Variants in BCO1 observed in about 807,000 individuals in gnomAD.
BCO1 encodes beta-carotene oxygenase 1, also known as beta,beta-carotene 15,15'-dioxygenase.
In BCO1, 54 loss-of-function variants were observed where a neutral mutation model predicts 56.3. That is an observed-to-expected ratio of 0.96 (90% CI 0.77 to 1.20). BCO1 has a LOEUF of 1.20. Among genes scored for constraint, BCO1 ranks in the 50% most tolerant of loss-of-function variants. The pLI is 0.00. For synonymous variants in BCO1, 318 were observed against 266.1 expected (o/e 1.20, Z -1.90); for missense variants, 801 against 690.9 (o/e 1.16, Z -1.79).
intron 8 of BCO1, among the ~76,000 whole-genome samples, chr16:81,284,454 T>G (rs920617401): frequency 6.6e-6 from 1 of 152,094 alleles, no homozygotes; most frequent in African/African-American, 2.4e-5. Flanking sequence ...ATTTTTTCTC[T>G]TCATTTGTAA....
intron 2 of BCO1, among the ~76,000 whole-genome samples, chr16:81,251,269 C>A (rs1905780593): frequency 6.6e-6 from 1 of 151,378 alleles, no homozygotes; most frequent in Non-Finnish European, 1.5e-5. Flanking sequence ...AAAAAAAAAA[C>A]AAAGAGGGAC....
intron 5 of BCO1, among the ~76,000 whole-genome samples, chr16:81,266,089 T>C (rs1906811115): frequency 6.6e-6 from 1 of 152,114 alleles, no homozygotes; most frequent in Admixed American, 6.5e-5. Context: ...AAACTTTCTA[T>C]GACAAGGTTA....
chr16:81,245,059 G>A (rs1425867331), intron 1 of BCO1, among the ~76,000 whole-genome samples: 1 of 151,896 alleles, frequency 6.6e-6, no homozygotes, highest in Non-Finnish European at 1.5e-5. Flanking sequence ...CCCAGCTAAT[G>A]TTTTGTATTT....
intron 7 of BCO1, among the ~76,000 whole-genome samples, chr16:81,279,619 A>G (rs1447112637): frequency 6.6e-6 from 1 of 152,228 alleles, no homozygotes; most frequent in Admixed American, 6.5e-5. Context: ...TAATATACAC[A>G]TAAGGAAACG....
chr16:81,274,696 G>A (rs1409033176), intron 7 of BCO1, among the ~76,000 whole-genome samples: 2 of 152,178 alleles, frequency 1.3e-5, no homozygotes, highest in African/African-American at 4.8e-5. Context: ...TGGCCAACAA[G>A]GTGAAACCCT....
Position 81,285,627 on chromosome 16 carries a change from C to A in BCO1, c.1295C>A (p.Pro432Gln). 5 of 1,599,468 alleles carry A rather than the reference C, an allele frequency of 3.1e-6. No homozygotes were observed. Among genetic ancestry groups the A allele is most frequent in the Non-Finnish European group, 4.3e-6 (5 of 1,166,640 alleles). Residue 432 changes from proline to glutamine, a missense_variant, in exon 9 of 11, where the codon CCA (proline) becomes CAA (glutamine). Coordinates refer to ENST00000258168, the MANE Select transcript of BCO1 (RefSeq NM_017429.3). ...FATGVQWSPI[P>Q]TKIIKYDILT... is the part of the protein sequence containing the mutation. The stretch of plus-strand genomic sequence containing the variant: ...ACAGGAGTTCAGTGGAGTCCAATCC[C>A]AACCAAGGTACTGGTCTCTGTGTAT...
chr16:81,278,826 C>G (rs536635303), intron 7 of BCO1, among the ~76,000 whole-genome samples: 1 of 152,306 alleles, frequency 6.6e-6, no homozygotes, highest in South Asian at 2.1e-4. Flanking sequence ...TTGGACCAGT[C>G]CCTTTCCTTC....
At chr16:81,249,507 C>A (rs1466073645) in intron 2 of BCO1, among the ~76,000 whole-genome samples, 1 of 152,130 alleles carries the variant, frequency 6.6e-6, no homozygotes, top group Admixed American at 6.6e-5. Flanking sequence ...CTGACCGCCT[C>A]GGCCTCCCAA....
chr16:81,280,261 C>A (rs1184207368), intron 7 of BCO1, among the ~76,000 whole-genome samples: 1 of 96,894 alleles, frequency 1.0e-5, no homozygotes, highest in African/African-American at 4.1e-5. Context: ...CAGAGTGAGA[C>A]TCCATCTCAA....
At position 81,290,728 on chromosome 16, in the gene BCO1, A is replaced by G; in HGVS notation, c.*151A>G. The G allele has an allele frequency of 3.2e-6, 2 of 628,168 alleles. No homozygotes were observed. Among genetic ancestry groups the G allele is most frequent in the East Asian group, 5.5e-5 (2 of 36,444 alleles). 38.9% of individuals were successfully genotyped at this position (628,168 alleles called of 1,614,324 possible). On this transcript the variant is annotated 3_prime_UTR_variant, in exon 11 of 11. Coordinates refer to ENST00000258168, the MANE Select transcript of BCO1 (RefSeq NM_017429.3). The stretch of plus-strand genomic sequence containing the variant: ...GGGCATGGCAAGAGAGCTTGTCAGT[A>G]TCATTTCTTTCATTTTATTTTGGCT...
At chr16:81,284,226 A>T (rs1908038268) in intron 8 of BCO1, among the ~76,000 whole-genome samples, 1 of 133,242 alleles carries the variant, frequency 7.5e-6, no homozygotes, top group African/African-American at 2.8e-5. Flanking sequence ...ATATATATAT[A>T]TATTTTTATA....
In BCO1 at chr16:81,259,826, T is replaced by C. The variant is rs1023225347; in HGVS notation, c.323+21T>C. The C allele has an allele frequency of 3.1e-6, 5 of 1,614,026 alleles. No homozygotes were observed. In the African/African-American group the frequency reaches 6.7e-5, roughly 22 times the overall value. ...TCCAAGTAACTGCCTATTTTAAATC[T>C]GAGCAAATTTCATGCTTTTTGCTAT... On this transcript the variant is annotated intron_variant, in intron 3 of 10. Transcript: ENST00000258168.
chr16:81,254,051 C>T (rs1046270347), intron 2 of BCO1, among the ~76,000 whole-genome samples: 2 of 152,158 alleles, frequency 1.3e-5, no homozygotes, highest in African/African-American at 4.8e-5. Context: ...ATGATTGTCT[C>T]TTAGGAACAC....
chr16:81,264,913 A>C, intron 5 of BCO1, 126 bp downstream of exon 5: 1 of 1,078,226 alleles, frequency 9.3e-7, no homozygotes. Context: ...ATTGAGGTGG[A>C]CCATGAAGTC....
rs535184546 is a variant in BCO1, at chr16:81,267,647, G to C, written c.620-261G>C. ...GGTGGAGGCAGGATTTAGCCCCCAG[G>C]CTATAGGTGAAGACCCCTTACCTGG... On this transcript the variant is annotated intron_variant, in intron 5 of 10. Coordinates refer to ENST00000258168, the MANE Select transcript of BCO1 (RefSeq NM_017429.3). 3.3e-5 allele frequency among the ~76,000 whole-genome samples: 5 copies of C among 152,212 alleles called. No homozygotes were observed. In the South Asian group the frequency reaches 1.0e-3, roughly 32 times the overall value.
chr16:81,267,476 G>T (rs1004585454), intron 5 of BCO1, among the ~76,000 whole-genome samples: 1 of 152,180 alleles, frequency 6.6e-6, no homozygotes, highest in Admixed American at 6.5e-5. Flanking sequence ...AGCCAAGCAT[G>T]GTGGCGTGAG....
At chr16:81,269,953 G>T (rs1024411839) in intron 6 of BCO1, among the ~76,000 whole-genome samples, 1 of 152,204 alleles carries the variant, frequency 6.6e-6, no homozygotes, top group Non-Finnish European at 1.5e-5. Flanking sequence ...CCATCTGAAA[G>T]ATATACTTAT....
At chr16:81,279,206 G>C (rs1280409314) in intron 7 of BCO1, among the ~76,000 whole-genome samples, 2 of 152,180 alleles carry the variant, frequency 1.3e-5, no homozygotes, top group African/African-American at 4.8e-5. Flanking sequence ...TTGAGCCTGG[G>C]AGTTTAAGGC....
intron 8 of BCO1, among the ~76,000 whole-genome samples, chr16:81,284,064 G>A (rs920728122): frequency 1.7e-4 from 25 of 150,942 alleles, no homozygotes; most frequent in Non-Finnish European, 2.7e-4. Context: ...GTGGTGGCAC[G>A]CACCTGTAGT....
Sources: allele counts gnomAD v4.1 joint callset (sites outside exome capture counted in the v4.1 genomes callset), GRCh38; gene constraint gnomAD v4.1.1; transcripts MANE v1.5; gene names NCBI Gene and HGNC (gene_info 2026-07-23, HGNC 2026-07-21).